MED8: variants seen among roughly 807,000 people sequenced by gnomAD.
MED8 encodes mediator complex subunit 8.
MED8 carries 22 observed loss-of-function variants against 34.8 expected under a neutral mutation model. The ratio of observed to expected loss-of-function variants is 0.63; its 90% CI spans 0.45 to 0.90. The LOEUF is 0.90. Ranked by LOEUF, MED8 falls within the 40% of genes least tolerant of loss-of-function variation. MED8 has a pLI of 0.00. For missense variants in MED8, 260 were observed against 326.3 expected, an observed-to-expected ratio of 0.80 and a Z score of 1.57; for synonymous variants, 105 against 120.2, an observed-to-expected ratio of 0.87 and a Z score of 0.83.
Position 43,386,106 on chromosome 1 carries a change from G to C in MED8, c.614C>G (p.Ala205Gly), listed in dbSNP as rs371246393. The C allele has an allele frequency of 6.9e-5, 112 of 1,613,902 alleles. No homozygotes were observed. The highest frequency in any genetic ancestry group is 8.7e-5 in the Non-Finnish European group (103 of 1,179,900). ...GATCGTCCCAGCTCCTGGCTGGCCT[G>C]CCTGGCCAGGACCACTGCTGCCTGA... The part of the protein sequence containing the change: ...RPSGSSGPGQ[A>G]GQPGAGTILA... Residue 205 changes from alanine (A) to glycine (G), a missense_variant, in exon 6 of 7, where the codon GCA (alanine) becomes GGA (glycine). Physicochemically the swap from Ala to Gly is moderately conservative, Grantham distance 60. Coordinates refer to ENST00000372457, the MANE Select transcript of MED8 (RefSeq NM_201542.5). The surrounding 1 kb of genome is among the most constrained non-coding windows in gnomAD (Gnocchi z 4.9).
Position 43,385,041 on chromosome 1 carries a change from C to G in MED8, c.*1G>C, listed in dbSNP as rs897999099. 1 of 1,555,914 alleles carries G rather than the reference C, an allele frequency of 6.4e-7. No individual in the cohort carries two copies. Among genetic ancestry groups the G allele is most frequent in the Admixed American group, 1.9e-5 (1 of 51,448 alleles). ...CAGGGAGTCGAGGTTGCCAGCCACA[C>G]TCACCGCTGGTAGGGATGCATGGAA... On this transcript the variant is annotated 3_prime_UTR_variant, in exon 7 of 7. Coordinates refer to ENST00000372457, the MANE Select transcript of MED8 (RefSeq NM_201542.5).
chr1:43,388,682 A>C, intron 1 of MED8: 1 of 466,374 alleles, frequency 2.1e-6, no homozygotes, highest in South Asian at 2.6e-5. Context: ...CTCCTAATCT[A>C]TGCCTGGTTT....
Position 43,384,382 on chromosome 1 carries a change from T to G in MED8, c.*660A>C. The G allele has an allele frequency of 6.6e-7, 1 of 1,522,392 alleles. No homozygotes were observed. Among genetic ancestry groups the G allele is most frequent in the South Asian group, 1.3e-5 (1 of 79,028 alleles). 94.3% of individuals were successfully genotyped at this position (1,522,392 alleles called of 1,614,324 possible). ...AGGTGGGGTAAAGGATAGGGGACTTTATGACTATTTGACAGGTAAAAGCCA... is the reference window on the plus strand; with the variant it reads ...AGGTGGGGTAAAGGATAGGGGACTTGATGACTATTTGACAGGTAAAAGCCA... On this transcript the variant is annotated 3_prime_UTR_variant, in exon 7 of 7. Transcript: ENST00000372457.
chr1:43,387,520 G>C lies in MED8; in HGVS notation c.253C>G (p.Arg85Gly). The C allele has an allele frequency of 6.2e-7, 1 of 1,613,858 alleles. No individual in the cohort carries two copies. The highest frequency in any genetic ancestry group is 1.1e-5 in the South Asian group (1 of 91,076). ...VIIPLVLSPD[R>G]DEDLMRQTEG... ...CCTCTTACCATGAGATCTTCATCTC[G>C]GTCTGGAGACAACACCAGAGGAATG... Residue 85 changes from arginine (R) to glycine (G), a missense_variant, in exon 3 of 7, where the codon CGA (arginine) becomes GGA (glycine). Physicochemically the swap from Arg to Gly is moderately radical, Grantham distance 125. Coordinates refer to ENST00000372457, the MANE Select transcript of MED8 (RefSeq NM_201542.5).
Position 43,388,435 on chromosome 1 carries a change from C to T in MED8, c.7-7G>A. 6.2e-7 allele frequency: 1 copy of T among 1,613,132 alleles called. No homozygotes were observed. Among genetic ancestry groups the T allele is most frequent in the Non-Finnish European group, 8.5e-7 (1 of 1,179,848 alleles). On this transcript the variant is annotated splice_region_variant and splice_polypyrimidine_tract_variant and intron_variant, in intron 1 of 6. Transcript: ENST00000372457. ...CAAGCTGCTTCTCCTCTCTCTGCAC[C>T]AATAGGAACAGGTTGGTCACCCAGA...
chr1:43,384,455 A>AGAGCTG lies in MED8; in HGVS notation c.*581_*586dup, dbSNP rs1368015720. The AGAGCTG allele has an allele frequency of 8.1e-6, 13 of 1,600,714 alleles. No individual in the cohort carries two copies. Among genetic ancestry groups the AGAGCTG allele is most frequent in the South Asian group, 2.3e-5 (2 of 88,434 alleles). On this transcript the variant is annotated 3_prime_UTR_variant, in exon 7 of 7. Coordinates refer to ENST00000372457, the MANE Select transcript of MED8 (RefSeq NM_201542.5). ...AAGGAGAGCAGGCCCAAGCTTCACC[A>AGAGCTG]GAGCTGCAGGTGGGCATTTTTTTTT...
Position 43,386,110 on chromosome 1 carries a change from G to A in MED8, c.610C>T (p.Gln204Ter). ...GTCCCAGCTCCTGGCTGGCCTGCCT[G>A]GCCAGGACCACTGCTGCCTGAAGGT... is the stretch of plus-strand genomic sequence containing the variant. ...WRPSGSSGPG[Q>*]AGQPGAGTIL... The change falls in exon 6 of 7, where the codon CAG becomes TAG. Residue 204 changes from glutamine to a stop codon, truncating the protein, a stop_gained. Transcript: ENST00000372457. LOFTEE classifies it high-confidence loss of function. This position sits in a 1 kb window ranked among gnomAD's most constrained non-coding sequence, Gnocchi z 4.9. The A allele has an allele frequency of 6.2e-7, 1 of 1,614,014 alleles. No homozygotes were observed. The highest frequency in any genetic ancestry group is 8.5e-7 in the Non-Finnish European group (1 of 1,179,884).
chr1:43,388,402 T>C lies in MED8; in HGVS notation c.33A>G (p.Ser11=), dbSNP rs1333999480. ...CCACTTGACTCAGCAGTGCATCTAATGATGCCTCAAGCTGCTTCTCCTCTC... is the reference window on the plus strand; with the variant it reads ...CCACTTGACTCAGCAGTGCATCTAACGATGCCTCAAGCTGCTTCTCCTCTC... MQREEKQLEA[S]LDALLSQVAD... is the part of the protein sequence containing the mutation. Residue 11 remains serine, a synonymous_variant, in exon 2 of 7, where the codon TCA becomes TCG. Transcript: ENST00000372457. The C allele has an allele frequency of 1.9e-5, 30 of 1,613,620 alleles. No individual in the cohort carries two copies. The highest frequency in any genetic ancestry group is 2.5e-5 in the Non-Finnish European group (29 of 1,179,876).
In MED8 at chr1:43,386,047, T is replaced by G; in HGVS notation, c.673A>C (p.Met225Leu). 1 of 1,613,976 alleles carries G rather than the reference T, an allele frequency of 6.2e-7. No homozygotes were observed. The highest frequency in any genetic ancestry group is 8.5e-7 in the Non-Finnish European group (1 of 1,179,880). The change falls in exon 6 of 7, where the codon ATG becomes CTG. Residue 225 changes from methionine (M) to leucine (L), a missense_variant. Coordinates refer to ENST00000372457, the MANE Select transcript of MED8 (RefSeq NM_201542.5). The surrounding 1 kb of genome is among the most constrained non-coding windows in gnomAD (Gnocchi z 4.9). ...TGCTGCTGGCTTGGAGCTCCTGCCATCTGCACCTGCTGTAATCCTGAGGTT... is the reference window on the plus strand; with the variant it reads ...TGCTGCTGGCTTGGAGCTCCTGCCAGCTGCACCTGCTGTAATCCTGAGGTT... ...AGTSGLQQVQMAGAPSQQQPM... is the reference protein window; with the variant it reads ...AGTSGLQQVQLAGAPSQQQPM...
At chr1:43,388,039 C>T (rs1647799655) in intron 2 of MED8, among the ~76,000 whole-genome samples, 1 of 152,156 alleles carries the variant, frequency 6.6e-6, no homozygotes, top group Non-Finnish European at 1.5e-5. Context: ...AGAGATCCAG[C>T]ACGAATAGAG....
chr1:43,386,984 T>C lies in MED8; in HGVS notation c.285A>G (p.Gly95=). 6.2e-7 allele frequency: 1 copy of C among 1,614,018 alleles called. No homozygotes were observed. Among genetic ancestry groups the C allele is most frequent in the Middle Eastern group, 1.6e-4 (1 of 6,062 alleles). Residue 95 remains glycine, a synonymous_variant, in exon 4 of 7, where the codon GGA becomes GGG. Coordinates refer to ENST00000372457, the MANE Select transcript of MED8 (RefSeq NM_201542.5). The surrounding 1 kb of genome is among the most constrained non-coding windows in gnomAD (Gnocchi z 4.9). ...RDEDLMRQTE[G]RVPVFSHEVV... ...CCTCATGGCTGAAAACAGGCACCCG[T>C]CCTTCAGTCTGCCGCTGTAACACAC...
Position 43,386,187 on chromosome 1 carries a change from G to A in MED8, c.533C>T (p.Thr178Ile). The A allele has an allele frequency of 1.2e-6, 2 of 1,613,992 alleles. No individual in the cohort carries two copies. The highest frequency in any genetic ancestry group is 1.7e-6 in the Non-Finnish European group (2 of 1,179,898). Residue 178 changes from threonine to isoleucine, a missense_variant, in exon 6 of 7, where the codon ACT becomes ATT. By Grantham distance (89) the Thr-to-Ile change is moderately conservative (BLOSUM62 -1). Transcript: ENST00000372457. This position sits in a 1 kb window ranked among gnomAD's most constrained non-coding sequence, Gnocchi z 4.9. ...GGCAACAGCTGCCACCAAGGCATTA[G>A]TGTCTGTAGGGTTAAAGGTCTGCTT... ...PNKQTFNPTD[T>I]NALVAAVAFG... is the part of the protein sequence containing the mutation.
At chr1:43,388,289 G>C in intron 2 of MED8, 21 bp downstream of exon 2, 1 of 1,611,422 alleles carries the variant, frequency 6.2e-7, no homozygotes, top group Non-Finnish European at 8.5e-7. Context: ...GCCCTTCCTA[G>C]CTTGCCCTGG....
chr1:43,388,693 TTC>T (rs926761436), intron 1 of MED8: 1 of 437,146 alleles, frequency 2.3e-6, no homozygotes, highest in African/African-American at 2.0e-5. Context: ...TGCCTGGTTT[TTC>T]TCTGTGTTAG....
chr1:43,388,487 G>A (rs1647857526), intron 1 of MED8, 59 bp from the exon 2 acceptor site: 1 of 1,596,450 alleles, frequency 6.3e-7, no homozygotes. Context: ...ATAGAAAGGA[G>A]GGCTGGAAAG....
Position 43,386,687 on chromosome 1 carries a change from T to C in MED8, c.412-17A>G, listed in dbSNP as rs376768158. 1.9e-6 allele frequency: 3 copies of C among 1,605,134 alleles called. No individual in the cohort carries two copies. The highest frequency in any genetic ancestry group is 2.7e-5 in the African/African-American group (2 of 74,864). On this transcript the variant is annotated splice_polypyrimidine_tract_variant and intron_variant, in intron 4 of 6. Transcript: ENST00000372457. The surrounding 1 kb of genome is among the most constrained non-coding windows in gnomAD (Gnocchi z 4.9). ...GATCTGCTTCTGTAACACACAAATTTGTGCAGAGATTAGGGTAACTAGGAA... is the reference window on the plus strand; with the variant it reads ...GATCTGCTTCTGTAACACACAAATTCGTGCAGAGATTAGGGTAACTAGGAA...
At position 43,384,591 on chromosome 1, in the gene MED8, TAC is replaced by T. The variant is rs760942764; in HGVS notation, c.*449_*450del. The T allele has an allele frequency of 2.9e-5, 45 of 1,565,980 alleles. No homozygotes were observed. The African/African-American group carries it at 6.0e-4, about 21-fold the overall frequency. ...GTGCCTCTAAGAACACAGAGGTTGC[TAC>T]AGTTTCTGGCAGCACAAAATAAGCA... On this transcript the variant is annotated 3_prime_UTR_variant, in exon 7 of 7. Coordinates refer to ENST00000372457, the MANE Select transcript of MED8 (RefSeq NM_201542.5).
chr1:43,388,079 A>T (rs114912896), intron 2 of MED8, among the ~76,000 whole-genome samples: 3 of 152,376 alleles, frequency 2.0e-5, no homozygotes, highest in Non-Finnish European at 2.9e-5. Context: ...TCACCAGAGA[A>T]GTCAAAGGGT....
chr1:43,388,122 G>A (rs1647809165), intron 2 of MED8, among the ~76,000 whole-genome samples, 188 bp downstream of exon 2: 1 of 152,234 alleles, frequency 6.6e-6, no homozygotes, highest in Non-Finnish European at 1.5e-5. Flanking sequence ...CTTGGGTTAG[G>A]AAACTGAGCA....
Sources: allele counts gnomAD v4.1 joint callset (sites outside exome capture counted in the v4.1 genomes callset), GRCh38; gene constraint gnomAD v4.1.1; non-coding constraint Gnocchi (gnomAD v3.1); transcripts MANE v1.5; gene names NCBI Gene and HGNC (gene_info 2026-07-23, HGNC 2026-07-21).